Variants in TMEM156 observed in about 807,000 individuals in gnomAD.
The protein encoded by TMEM156 is transmembrane protein 156.
In TMEM156, 28 loss-of-function variants were observed where a neutral mutation model predicts 30.5. The ratio of observed to expected loss-of-function variants is 0.92; its 90% confidence interval spans 0.68 to 1.26. TMEM156 has a LOEUF of 1.26. TMEM156 is among the 50% of genes most tolerant of loss of function. TMEM156 has a pLI of 0.00. For missense variants in TMEM156, 351 were observed against 340.6 expected (o/e 1.03, Z -0.24); for synonymous variants, 137 against 119.9 (o/e 1.14, Z -0.93).
At chr4:38,971,199 A>T in intron 5 of TMEM156, 62 bp from the exon 6 acceptor site, 1 of 1,478,468 alleles carries the variant, frequency 6.8e-7, no homozygotes, top group Non-Finnish European at 9.4e-7. Flanking sequence ...AGACAGGCTT[A>T]TTCTAATGTA....
chr4:38,988,035 A>G (rs1456405036), intron 4 of TMEM156, among the ~76,000 whole-genome samples: 1 of 152,130 alleles, frequency 6.6e-6, no homozygotes, highest in Non-Finnish European at 1.5e-5. Context: ...ATCAATGTCC[A>G]TCCTGATAGG....
At position 39,020,474 on chromosome 4, in the gene TMEM156, G is replaced by A. The variant is rs551566528; in HGVS notation, c.88+11752C>T. Among the ~76,000 whole-genome samples, 15 of 152,224 alleles carry A rather than the reference G, an allele frequency of 9.9e-5. No homozygotes were observed. The South Asian group carries it at 1.7e-3, about 17-fold the overall frequency. ...TGCTCTCAAACTCCTGGCTTCCAGC[G>A]ATCCTCCCAACTCAGCCTCCCAAGT... On this transcript the variant is annotated intron_variant, in intron 1 of 6. Coordinates refer to ENST00000381938, the MANE Select transcript of TMEM156 (RefSeq NM_024943.3).
Position 38,998,805 on chromosome 4 carries a change from T to C in TMEM156, c.193A>G (p.Arg65Gly), listed in dbSNP as rs1560371665. 1 of 1,613,916 alleles carries C rather than the reference T, an allele frequency of 6.2e-7. No individual in the cohort carries two copies. The highest frequency in any genetic ancestry group is 8.5e-7 in the Non-Finnish European group (1 of 1,179,914). Residue 65 changes from arginine (R) to glycine (G), a missense_variant, in exon 2 of 7, where the codon AGG (arginine) becomes GGG (glycine). Arg to Gly is a moderately radical substitution (Grantham distance 125, BLOSUM62 -2). Coordinates refer to ENST00000381938, the MANE Select transcript of TMEM156 (RefSeq NM_024943.3). ...FSFVTFLQPV[R>G]ETQIIMRIFL... Reference sequence around the variant, plus strand: ...ATTCTCATGATAATCTGAGTTTCCCTTACTGGTTGCAGAAAAGTCACAAAA... The same window carrying C: ...ATTCTCATGATAATCTGAGTTTCCCCTACTGGTTGCAGAAAAGTCACAAAA...
intron 1 of TMEM156, among the ~76,000 whole-genome samples, chr4:39,027,543 T>C (rs1166919122): frequency 6.9e-6 from 1 of 145,154 alleles, no homozygotes; most frequent in East Asian, 2.0e-4. Context: ...TTTTCATCTA[T>C]ACTATTCCTT....
chr4:39,009,360 A>G (rs1713954776), intron 1 of TMEM156, among the ~76,000 whole-genome samples: 1 of 152,160 alleles, frequency 6.6e-6, no homozygotes, highest in African/African-American at 2.4e-5. Context: ...TAATTCCAAA[A>G]AATTGAGGAG....
chr4:39,008,348 C>T lies in TMEM156; in HGVS notation c.89-9439G>A, dbSNP rs79563376. Among the ~76,000 whole-genome samples, 1,148 of 152,152 alleles carry T rather than the reference C, an allele frequency of 7.5e-3. 64 individuals carry two copies. The East Asian group carries it at 0.16, about 21-fold the overall frequency. ...AAGGGCTATTGAATATAATTGAATG[C>T]TCTTTCAACAATTATTAAGATGATT... On this transcript the variant is annotated intron_variant, in intron 1 of 6. Coordinates refer to ENST00000381938, the MANE Select transcript of TMEM156 (RefSeq NM_024943.3).
chr4:38,997,538 A>G (rs1713018165), intron 2 of TMEM156, among the ~76,000 whole-genome samples: 2 of 152,358 alleles, frequency 1.3e-5, no homozygotes, highest in African/African-American at 4.8e-5. Context: ...AGAATGCCAA[A>G]AAAATAAATT....
At chr4:39,024,121 C>T (rs537897861) in intron 1 of TMEM156, among the ~76,000 whole-genome samples, 2 of 152,316 alleles carry the variant, frequency 1.3e-5, no homozygotes, top group South Asian at 2.1e-4. Flanking sequence ...CTGCAACCTC[C>T]GCCCCCTGGG....
chr4:39,010,309 G>C (rs1272109426), intron 1 of TMEM156, among the ~76,000 whole-genome samples: 1 of 152,004 alleles, frequency 6.6e-6, no homozygotes, highest in South Asian at 2.1e-4. Context: ...TATCATTAAA[G>C]CATCCATACT....
intron 1 of TMEM156, among the ~76,000 whole-genome samples, chr4:39,000,751 G>T (rs959411221): frequency 6.6e-6 from 1 of 151,984 alleles, no homozygotes; most frequent in Non-Finnish European, 1.5e-5. Context: ...GCCAGGCATG[G>T]TGGTGGGCAC....
intron 1 of TMEM156, among the ~76,000 whole-genome samples, chr4:39,030,792 G>A (rs186343422): frequency 3.9e-5 from 6 of 152,178 alleles, no homozygotes; most frequent in African/African-American, 1.4e-4. Context: ...ACTATTAAAT[G>A]AGCTTACTCT....
chr4:38,974,195 CT>C (rs1722739879), intron 5 of TMEM156, among the ~76,000 whole-genome samples: 1 of 142,920 alleles, frequency 7.0e-6, no homozygotes. Flanking sequence ...TTTATTTTTT[CT>C]TTCTTTCTCT....
intron 1 of TMEM156, among the ~76,000 whole-genome samples, chr4:39,012,200 T>C (rs895775334): frequency 3.9e-5 from 6 of 152,202 alleles, no homozygotes. Context: ...AAAAATATAT[T>C]AATGAAATAC....
At chr4:39,029,286 A>T (rs1481309244) in intron 1 of TMEM156, among the ~76,000 whole-genome samples, 1 of 151,762 alleles carries the variant, frequency 6.6e-6, no homozygotes, top group Non-Finnish European at 1.5e-5. Context: ...AGAAAAAATG[A>T]AAAAAAAGGA....
At position 38,974,153 on chromosome 4, in the gene TMEM156, G is replaced by T. The variant is rs182868027; in HGVS notation, c.824-3016C>A. Among the ~76,000 whole-genome samples the T allele has an allele frequency of 2.6e-3, 398 of 150,478 alleles. 2 individuals carry two copies. Among genetic ancestry groups the T allele is most frequent in the Non-Finnish European group, 4.8e-3 (324 of 67,656 alleles). ...ATGTTTTATTTAGGATTTTTGCATG[G>T]ATATACACAAGTAAGATTTCTCAAT... is the stretch of plus-strand genomic sequence containing the variant. On this transcript the variant is annotated intron_variant, in intron 5 of 6. Transcript: ENST00000381938.
intron 3 of TMEM156, among the ~76,000 whole-genome samples, chr4:38,989,991 C>T (rs190795214): frequency 0.013 from 1,939 of 152,192 alleles, 21 homozygotes; most frequent in Middle Eastern, 0.027. Context: ...GATGGGGTTT[C>T]ACCATGTTGG....
In TMEM156 at chr4:39,009,983, T is replaced by C. The variant is rs1714001173; in HGVS notation, c.89-11074A>G. Among the ~76,000 whole-genome samples, 3 of 152,248 alleles carry C rather than the reference T, an allele frequency of 2.0e-5. No homozygotes were observed. The South Asian group carries it at 6.2e-4, about 32-fold the overall frequency. ...TCTCTTCATTGATGATATGATTATATACCTAGAAAACCCTAAAAATTCCGT... is the reference window on the plus strand; with the variant it reads ...TCTCTTCATTGATGATATGATTATACACCTAGAAAACCCTAAAAATTCCGT... On this transcript the variant is annotated intron_variant, in intron 1 of 6. Transcript: ENST00000381938.
chr4:38,988,172 C>T (rs16995036), intron 4 of TMEM156, among the ~76,000 whole-genome samples: 12,998 of 152,170 alleles, frequency 0.085, 866 homozygotes, highest in African/African-American at 0.18. Flanking sequence ...TATTAAAGAT[C>T]GACTCTGCCT....
intron 5 of TMEM156, among the ~76,000 whole-genome samples, chr4:38,975,491 T>G (rs1722807749): frequency 6.6e-6 from 1 of 151,234 alleles, no homozygotes; most frequent in African/African-American, 2.4e-5. Context: ...CAAGTGATTC[T>G]CATACCTCAG....
Sources: allele counts gnomAD v4.1 joint callset (sites outside exome capture counted in the v4.1 genomes callset), GRCh38; gene constraint gnomAD v4.1.1; transcripts MANE v1.5; gene names NCBI Gene and HGNC (gene_info 2026-07-23, HGNC 2026-07-21).